USH2A: variants seen among roughly 807,000 people sequenced by gnomAD.
USH2A encodes the protein usherin, also known as Usher syndrome 2A (autosomal recessive, mild).
In USH2A, 443 loss-of-function variants were observed where a neutral mutation model predicts 538.9. That is an observed-to-expected ratio of 0.82 (90% CI 0.76 to 0.89). USH2A has a LOEUF of 0.89. Ranked by LOEUF, USH2A falls within the 40% of genes least tolerant of loss-of-function variation. The pLI is 0.00. For missense variants in USH2A, 6,633 were observed against 6,324.8 expected, an observed-to-expected ratio of 1.05 and a Z score of -1.65; for synonymous variants, 2,413 against 2,273.5, an observed-to-expected ratio of 1.06 and a Z score of -1.75.
chr1:216,057,630 T>C lies in USH2A; in HGVS notation c.6050-8983A>G, dbSNP rs191372771. 2.1e-3 allele frequency among the ~76,000 whole-genome samples: 313 copies of C among 152,266 alleles called. 2 individuals carry two copies. The highest frequency in any genetic ancestry group is 6.8e-3 in the African/African-American group (283 of 41,554). On this transcript the variant is annotated intron_variant, in intron 30 of 71. Transcript: ENST00000307340. ...TGAACCCGGGCGGCGCAGGTTGCAGTGAGCTGAGATGGTGCCAATGCACTC... is the reference window on the plus strand; with the variant it reads ...TGAACCCGGGCGGCGCAGGTTGCAGCGAGCTGAGATGGTGCCAATGCACTC...
chr1:215,993,242 CATA>C (rs1346741504), intron 34 of USH2A, 75 bp from the exon 35 acceptor site: 31 of 1,609,230 alleles, frequency 1.9e-5, no homozygotes. Context: ...AAAGAGAATT[CATA>C]ATAAGAGTTT....
At chr1:216,266,007 A>C (rs937502092) in intron 11 of USH2A, among the ~76,000 whole-genome samples, 3 of 152,104 alleles carry the variant, frequency 2.0e-5, no homozygotes, top group Non-Finnish European at 4.4e-5. Context: ...GACTATAGTT[A>C]ACAACAATTT....
intron 30 of USH2A, among the ~76,000 whole-genome samples, chr1:216,054,554 G>A (rs188346703): frequency 2.0e-5 from 3 of 152,172 alleles, no homozygotes; most frequent in East Asian, 1.9e-4. Flanking sequence ...CCTGGAAACC[G>A]AGCCTAAGAC....
At chr1:216,148,487 C>T (rs1387087894) in intron 21 of USH2A, among the ~76,000 whole-genome samples, 1 of 152,134 alleles carries the variant, frequency 6.6e-6, no homozygotes, top group African/African-American at 2.4e-5. Context: ...TCATGCACCC[C>T]TTACCATCTC....
At chr1:216,408,321 C>G (rs1054897717) in intron 3 of USH2A, among the ~76,000 whole-genome samples, 3 of 152,102 alleles carry the variant, frequency 2.0e-5, no homozygotes, top group Admixed American at 2.0e-4. Context: ...CTAAACAAAA[C>G]TCTTTTTAAG....
At chr1:215,649,249 A>G (rs1242147944) in intron 65 of USH2A, among the ~76,000 whole-genome samples, 2 of 152,198 alleles carry the variant, frequency 1.3e-5, no homozygotes, top group Non-Finnish European at 2.9e-5. Flanking sequence ...AAAATCAGGT[A>G]TAAGTATTGG....
chr1:216,381,895 T>G (rs1478919284), intron 3 of USH2A, among the ~76,000 whole-genome samples: 1 of 152,192 alleles, frequency 6.6e-6, no homozygotes, highest in African/African-American at 2.4e-5. Flanking sequence ...CTGTGCATAG[T>G]CGGATTTTAC....
intron 14 of USH2A, among the ~76,000 whole-genome samples, chr1:216,220,678 T>C (rs1007460449): frequency 1.3e-5 from 2 of 151,618 alleles, no homozygotes; most frequent in Non-Finnish European, 2.9e-5. Context: ...TAATGAGAAA[T>C]GGTGATAGAT....
chr1:215,753,039 A>G (rs989552917), intron 58 of USH2A, among the ~76,000 whole-genome samples: 3 of 152,238 alleles, frequency 2.0e-5, no homozygotes, highest in Admixed American at 2.0e-4. Flanking sequence ...ACATTTATGC[A>G]GCCAAAAGAC....
chr1:216,245,505 GA>G, intron 13 of USH2A, among the ~76,000 whole-genome samples: 2 of 143,136 alleles, frequency 1.4e-5, no homozygotes, highest in South Asian at 4.6e-4. Context: ...GAGAGAGAGA[GA>G]GAGAGAGAGA....
At chr1:215,860,416 A>G (rs1362888447) in intron 44 of USH2A, among the ~76,000 whole-genome samples, 14 of 67,798 alleles carry the variant, frequency 2.1e-4, no homozygotes, top group Non-Finnish European at 5.6e-4. Flanking sequence ...TGATTGGGGG[A>G]AAAAAACAAA....
At chr1:216,375,768 C>T (rs1250184267) in intron 3 of USH2A, among the ~76,000 whole-genome samples, 1 of 152,110 alleles carries the variant, frequency 6.6e-6, no homozygotes. Flanking sequence ...CCTCACTAAG[C>T]TTACTCATTT....
intron 64 of USH2A, among the ~76,000 whole-genome samples, 158 bp from the exon 65 acceptor site, chr1:215,650,959 G>A (rs1657057488): frequency 6.6e-6 from 1 of 151,894 alleles, no homozygotes; most frequent in Non-Finnish European, 1.5e-5. Context: ...TAATCACACA[G>A]GAGAGCAAGG....
intron 14 of USH2A, among the ~76,000 whole-genome samples, chr1:216,218,796 A>G (rs2102498401): frequency 6.6e-6 from 1 of 152,212 alleles, no homozygotes; most frequent in Admixed American, 6.5e-5. Flanking sequence ...TTCCATTTCA[A>G]ATAGATGTTT....
chr1:215,948,230 C>T (rs1004422153), intron 37 of USH2A, among the ~76,000 whole-genome samples: 2 of 151,950 alleles, frequency 1.3e-5, no homozygotes, highest in African/African-American at 4.8e-5. Flanking sequence ...TAAAGTCCTT[C>T]CTTCCCCCAT....
rs142084549 is a variant in USH2A at position 215,724,717 on chromosome 1, A to G, written c.12066+3313T>C. ...GCCCAACAGTAATAGCCTGTGCCTC[A>G]GAACGAATCACTCATTCTTCCTCAC... On this transcript the variant is annotated intron_variant, in intron 61 of 71. Coordinates refer to ENST00000307340, the MANE Select transcript of USH2A (RefSeq NM_206933.4). 7.5e-3 allele frequency among the ~76,000 whole-genome samples: 1,142 copies of G among 152,284 alleles called. 22 individuals are homozygous for G. The highest frequency in any genetic ancestry group is 0.026 in the African/African-American group (1,072 of 41,556).
intron 30 of USH2A, among the ~76,000 whole-genome samples, chr1:216,069,543 G>A (rs532864180): frequency 2.6e-5 from 4 of 152,130 alleles, no homozygotes; most frequent in East Asian, 1.9e-4. Flanking sequence ...TAATACACAC[G>A]CATGAATTTG....
intron 44 of USH2A, among the ~76,000 whole-genome samples, chr1:215,856,493 A>T (rs1934428): frequency 0.13 from 19,057 of 152,202 alleles, 1,256 homozygotes; most frequent in East Asian, 0.19. Context: ...GAAAACCACA[A>T]TATGGTACCA....
At chr1:216,222,870 C>T (rs901710437) in intron 14 of USH2A, among the ~76,000 whole-genome samples, 5 of 151,330 alleles carry the variant, frequency 3.3e-5, no homozygotes, top group African/African-American at 1.2e-4. Context: ...CACAGCTACT[C>T]GGGAGGCTGA....
Sources: allele counts gnomAD v4.1 joint callset (sites outside exome capture counted in the v4.1 genomes callset), GRCh38; gene constraint gnomAD v4.1.1; transcripts MANE v1.5; gene names NCBI Gene and HGNC (gene_info 2026-07-23, HGNC 2026-07-21).